TMEM71: variants seen among roughly 807,000 people sequenced by gnomAD.
The protein encoded by TMEM71 is transmembrane protein 71.
In TMEM71, 44 loss-of-function variants were observed where a neutral mutation model predicts 38.0. The ratio of observed to expected loss-of-function variants is 1.16; its 90% CI spans 0.91 to 1.49. The LOEUF (loss-of-function observed/expected upper bound fraction) is 1.49. Ranked by LOEUF, TMEM71 falls within the 40% of genes most tolerant of loss-of-function variation. The pLI, the probability that TMEM71 is intolerant of heterozygous loss-of-function variation, is 0.00. For synonymous variants in TMEM71, 133 were observed against 122.5 expected (o/e 1.09, Z -0.56); for missense variants, 367 against 348.6 (o/e 1.05, Z -0.42).
At chr8:132,733,161 T>C (rs1359093375) in intron 5 of TMEM71, among the ~76,000 whole-genome samples, 4 of 152,212 alleles carry the variant, frequency 2.6e-5, no homozygotes, top group African/African-American at 9.6e-5. Context: ...TCTGTGTGTG[T>C]GTTTTTTTGT....
chr8:132,772,507 C>T, the TMEM71 span, among the ~76,000 whole-genome samples: 1 of 152,156 alleles, frequency 6.6e-6, no homozygotes, highest in Non-Finnish European at 1.5e-5. Flanking sequence ...TGTATCCCTA[C>T]TCTGATCCTG....
In TMEM71 at chr8:132,713,979, C is replaced by T. The variant is rs559111461; in HGVS notation, c.872+16G>A. On this transcript the variant is annotated intron_variant, in intron 9 of 9. Transcript: ENST00000677595. ...ACCTTGGTCCAGACAATAATGATGA[C>T]ACAGGCAACACTTACCGAGCACAGG... The T allele has an allele frequency of 6.2e-7, 1 of 1,612,584 alleles. No homozygotes were observed. The highest frequency in any genetic ancestry group is 1.3e-5 in the African/African-American group (1 of 74,942).
chr8:132,709,220 G>C (rs993261625), downstream of TMEM71, among the ~76,000 whole-genome samples: 2 of 152,100 alleles, frequency 1.3e-5, no homozygotes, highest in Non-Finnish European at 2.9e-5. Context: ...TAAATGAAAG[G>C]CTCCATATGC....
At chr8:132,728,399 A>C (rs1563747111) in intron 5 of TMEM71, among the ~76,000 whole-genome samples, 1 of 152,212 alleles carries the variant, frequency 6.6e-6, no homozygotes. Flanking sequence ...CATGAGACTT[A>C]TTCACTATCA....
chr8:132,746,466 TATATATATACATATATATATAC>T (rs1337318539), intron 5 of TMEM71, among the ~76,000 whole-genome samples: 124 of 16,118 alleles, frequency 7.7e-3, no homozygotes, highest in African/African-American at 0.023. Context: ...TATATATACA[TATATATATACATATATATATAC>T]ATATATATAC....
At chr8:132,746,870 T>C in intron 5 of TMEM71, 72 bp downstream of exon 5, 2 of 1,292,584 alleles carry the variant, frequency 1.5e-6, no homozygotes, top group East Asian at 5.0e-5. Context: ...CTGACATTGG[T>C]TGAGGACCAC....
At chr8:132,740,168 A>G (rs552041933) in intron 5 of TMEM71, among the ~76,000 whole-genome samples, 1 of 152,182 alleles carries the variant, frequency 6.6e-6, no homozygotes, top group African/African-American at 2.4e-5. Flanking sequence ...CATTCCTGAC[A>G]CACCTTTCAG....
intron 5 of TMEM71, among the ~76,000 whole-genome samples, chr8:132,729,837 GA>G (rs1273591687): frequency 6.6e-6 from 1 of 151,998 alleles, no homozygotes; most frequent in South Asian, 2.1e-4. Context: ...GGATGGCTAA[GA>G]AAAAAAATCT....
intron 4 of TMEM71, 31 bp from the exon 5 acceptor site, chr8:132,747,145 G>A (rs1406152526): frequency 1.2e-5 from 19 of 1,527,554 alleles, no homozygotes; most frequent in Admixed American, 2.1e-5. Flanking sequence ...GGTGAACAAC[G>A]AATAATAGTT....
chr8:132,748,515 G>T (rs1019493160), intron 4 of TMEM71, among the ~76,000 whole-genome samples: 2 of 152,178 alleles, frequency 1.3e-5, no homozygotes, highest in Non-Finnish European at 2.9e-5. Context: ...AACTCTCTCT[G>T]TCATAGGTTT....
At chr8:132,729,044 C>T (rs1827308744) in intron 5 of TMEM71, among the ~76,000 whole-genome samples, 1 of 152,240 alleles carries the variant, frequency 6.6e-6, no homozygotes, top group African/African-American at 2.4e-5. Flanking sequence ...ATATATTTTA[C>T]TTGCCCTAAA....
chr8:132,732,761 G>A (rs1827529365), intron 5 of TMEM71, among the ~76,000 whole-genome samples: 1 of 152,158 alleles, frequency 6.6e-6, no homozygotes, highest in South Asian at 2.1e-4. Context: ...CGGGGACATG[G>A]TGCAATATCT....
At position 132,714,028 on chromosome 8, in the gene TMEM71, A is replaced by C; in HGVS notation, c.839T>G (p.Leu280Arg). The change falls in exon 9 of 10, where the codon CTT becomes CGT. Residue 280 changes from leucine (L) to arginine (R), a missense_variant. Physicochemically the swap from Leu to Arg is moderately radical, Grantham distance 102 (BLOSUM62 -2). Coordinates refer to ENST00000677595, the MANE Select transcript of TMEM71 (RefSeq NM_001382403.1). Reference protein sequence around the residue: ...VAYVKSLFLSLASYFKTTACA... With the variant: ...VAYVKSLFLSRASYFKTTACA... The stretch of plus-strand genomic sequence containing the variant: ...GGCAGTGGTTTTGAAATAGCTGGCA[A>C]GGCTGAGAAACAATGATTTCACATC... The C allele has an allele frequency of 6.2e-7, 1 of 1,614,108 alleles. No individual in the cohort carries two copies. Among genetic ancestry groups the C allele is most frequent in the South Asian group, 1.1e-5 (1 of 91,082 alleles).
At chr8:132,758,679 A>G (rs1408961361) in intron 2 of TMEM71, 161 bp downstream of exon 2, 3 of 606,662 alleles carry the variant, frequency 4.9e-6, no homozygotes, top group East Asian at 5.9e-5. Context: ...GAAAAAAATG[A>G]AGTTAAAATC....
intron 6 of TMEM71, among the ~76,000 whole-genome samples, chr8:132,722,354 C>T (rs1826904241): frequency 6.6e-6 from 1 of 152,138 alleles, no homozygotes; most frequent in Non-Finnish European, 1.5e-5. Flanking sequence ...AAATAAAAGA[C>T]TATGCTATTT....
At chr8:132,759,249 T>A (rs1007528267) in intron 1 of TMEM71, 2 of 177,362 alleles carry the variant, frequency 1.1e-5, no homozygotes, top group Non-Finnish European at 2.4e-5. Context: ...TAAGAAATCT[T>A]AATAAAATGA....
the TMEM71 span, among the ~76,000 whole-genome samples, chr8:132,767,630 A>G: frequency 6.6e-6 from 1 of 152,174 alleles, no homozygotes; most frequent in South Asian, 2.1e-4. Context: ...GCGCACCACC[A>G]TGCCCAGCTA....
At chr8:132,749,537 A>G (rs1828576507) in intron 4 of TMEM71, among the ~76,000 whole-genome samples, 1 of 152,208 alleles carries the variant, frequency 6.6e-6, no homozygotes, top group Non-Finnish European at 1.5e-5. Context: ...ATGTTCCTTC[A>G]GCTCACATTC....
At chr8:132,761,462 C>A (rs2472229), upstream of TMEM71, among the ~76,000 whole-genome samples, 55,215 of 152,098 alleles carry the variant, frequency 0.36, 10,608 homozygotes, top group Non-Finnish European at 0.44. Context: ...TTTCTTAAAT[C>A]AAGTTCTCTT....
Sources: gnomAD v4.1 joint callset for allele counts (sites outside exome capture counted in the v4.1 genomes callset) on GRCh38, gnomAD v4.1.1 for gene constraint, MANE v1.5 for transcripts, NCBI Gene and HGNC (gene_info 2026-07-23, HGNC 2026-07-21) for gene names.